KCNT2: variants seen among roughly 807,000 people sequenced by gnomAD.
KCNT2 encodes the protein potassium sodium-activated channel subfamily T member 2, also known as potassium channel subfamily T member 2.
A neutral mutation model predicts 153.8 loss-of-function variants in KCNT2; 67 were observed. That is an observed-to-expected ratio of 0.44 (90% CI 0.36 to 0.53). The LOEUF (loss-of-function observed/expected upper bound fraction) is 0.53, where lower values mean the gene tolerates loss of function less well. KCNT2 is among the 20% of genes least tolerant of loss of function. The pLI, the probability that KCNT2 is intolerant of heterozygous loss-of-function variation, is 0.00. For synonymous variants in KCNT2, 500 were observed against 458.8 expected (o/e 1.09, Z -1.15); for missense variants, 975 against 1,354.8 (o/e 0.72, Z 4.40).
intron 7 of KCNT2, 108 bp from the exon 8 acceptor site, chr1:196,465,495 C>G: frequency 1.5e-6 from 1 of 681,824 alleles, no homozygotes; most frequent in East Asian, 2.7e-5. Context: ...TGTACACATA[C>G]ATACATATGT....
chr1:196,597,599 G>A (rs1664242914), intron 1 of KCNT2, among the ~76,000 whole-genome samples: 1 of 152,252 alleles, frequency 6.6e-6, no homozygotes, highest in African/African-American at 2.4e-5. Flanking sequence ...AAGGAAAGCT[G>A]TGTTTCTTCT....
intron 4 of KCNT2, among the ~76,000 whole-genome samples, chr1:196,480,040 C>A (rs1056807362): frequency 2.0e-5 from 3 of 152,144 alleles, no homozygotes; most frequent in East Asian, 3.8e-4. Context: ...ATCCTTTTAT[C>A]TTTTTCTATA....
At chr1:196,328,121 A>G (rs1424971781) in intron 18 of KCNT2, among the ~76,000 whole-genome samples, 2 of 152,300 alleles carry the variant, frequency 1.3e-5, no homozygotes, top group East Asian at 1.9e-4. Flanking sequence ...TAAAAGAAAG[A>G]AAGTATTTAA....
chr1:196,499,779 T>G (rs1192929713), intron 1 of KCNT2, among the ~76,000 whole-genome samples: 1 of 152,164 alleles, frequency 6.6e-6, no homozygotes, highest in Non-Finnish European at 1.5e-5. Context: ...TTTTAATAAA[T>G]GTTTATAAAG....
At chr1:196,498,584 T>C (rs149988984) in intron 1 of KCNT2, among the ~76,000 whole-genome samples, 53 of 152,322 alleles carry the variant, frequency 3.5e-4, no homozygotes, top group African/African-American at 1.3e-3. Flanking sequence ...CTCTATTTAT[T>C]TGATGTTCAT....
intron 14 of KCNT2, among the ~76,000 whole-genome samples, chr1:196,367,022 T>C (rs1668101625): frequency 6.6e-6 from 1 of 152,182 alleles, no homozygotes; most frequent in South Asian, 2.1e-4. Flanking sequence ...TTCTTTCCTC[T>C]ATGCCACATT....
At chr1:196,392,251 A>T (rs1181837101) in intron 13 of KCNT2, among the ~76,000 whole-genome samples, 1 of 151,256 alleles carries the variant, frequency 6.6e-6, no homozygotes, top group Non-Finnish European at 1.5e-5. Flanking sequence ...AGTAAAAAAT[A>T]GTGAGGAATG....
intron 27 of KCNT2, among the ~76,000 whole-genome samples, chr1:196,230,362 G>C (rs185946511): frequency 1.3e-5 from 2 of 151,972 alleles, no homozygotes; most frequent in African/African-American, 4.8e-5. Flanking sequence ...GAAAATGTTA[G>C]GCCCATTGTT....
chr1:196,358,645 A>G (rs1412264011), intron 14 of KCNT2, among the ~76,000 whole-genome samples: 1 of 151,926 alleles, frequency 6.6e-6, no homozygotes, highest in African/African-American at 2.4e-5. Flanking sequence ...TGTTTTGAAA[A>G]TATATATTTG....
intron 11 of KCNT2, 93 bp from the exon 12 acceptor site, chr1:196,423,206 A>T (rs1362197248): frequency 1.4e-6 from 1 of 724,952 alleles, no homozygotes. Context: ...CATATATTGC[A>T]CAAAATGTAC....
At chr1:196,257,725 A>G in intron 26 of KCNT2, 11 of 983,512 alleles carry the variant, frequency 1.1e-5, no homozygotes, top group Non-Finnish European at 1.2e-5. Context: ...CTTCAAAATT[A>G]AAGTTTTTGA....
intron 22 of KCNT2, among the ~76,000 whole-genome samples, chr1:196,301,129 T>A (rs1298288206): frequency 6.6e-6 from 1 of 152,174 alleles, no homozygotes; most frequent in Non-Finnish European, 1.5e-5. Flanking sequence ...CTGAACAGAC[T>A]TTTGTCACAA....
intron 1 of KCNT2, among the ~76,000 whole-genome samples, chr1:196,528,175 T>A (rs975252174): frequency 6.6e-6 from 1 of 152,214 alleles, no homozygotes; most frequent in Non-Finnish European, 1.5e-5. Context: ...CATGCTGTGA[T>A]CATTGGCAAT....
intron 14 of KCNT2, among the ~76,000 whole-genome samples, chr1:196,344,774 A>T (rs552132873): frequency 3.3e-5 from 5 of 152,218 alleles, no homozygotes; most frequent in African/African-American, 1.2e-4. Flanking sequence ...AGGACAGTTC[A>T]GATAAATTTT....
At chr1:196,253,903 C>T (rs759229114) in intron 26 of KCNT2, among the ~76,000 whole-genome samples, 3 of 151,290 alleles carry the variant, frequency 2.0e-5, no homozygotes, top group Non-Finnish European at 3.0e-5. Context: ...TACACATGTG[C>T]CAAAACACAG....
intron 12 of KCNT2, among the ~76,000 whole-genome samples, chr1:196,399,187 GT>G (rs1671209381): frequency 6.6e-6 from 1 of 150,950 alleles, no homozygotes; most frequent in Non-Finnish European, 1.5e-5. Context: ...ATCAAAAAAA[GT>G]TTTTAAAAAG....
At chr1:196,236,670 T>C (rs1654471307) in intron 26 of KCNT2, among the ~76,000 whole-genome samples, 1 of 151,554 alleles carries the variant, frequency 6.6e-6, no homozygotes, top group African/African-American at 2.4e-5. Context: ...TACTCCTGAA[T>C]CATTTGTTTT....
At chr1:196,319,398 A>G (rs778015101) in intron 20 of KCNT2, 86 bp downstream of exon 20, 4 of 728,548 alleles carry the variant, frequency 5.5e-6, no homozygotes, top group African/African-American at 1.8e-5. Flanking sequence ...ACGGCAAATT[A>G]CACTCATCAT....
At chr1:196,441,205 A>G (rs1296407480) in intron 8 of KCNT2, among the ~76,000 whole-genome samples, 3 of 151,838 alleles carry the variant, frequency 2.0e-5, no homozygotes, top group Non-Finnish European at 4.4e-5. Context: ...AACTATTTAA[A>G]CACCTATGAA....
Sources: allele counts gnomAD v4.1 joint callset (sites outside exome capture counted in the v4.1 genomes callset), GRCh38; gene constraint gnomAD v4.1.1; transcripts MANE v1.5; gene names NCBI Gene and HGNC (gene_info 2026-07-23, HGNC 2026-07-21).